Variants in STAG1 observed in about 807,000 individuals in gnomAD.
STAG1 encodes the protein cohesin subunit SA-1.
Under a neutral mutation model 170.9 loss-of-function variants are expected in STAG1, and 26 were observed. That is an observed-to-expected ratio of 0.15 (90% CI 0.11 to 0.21). The LOEUF (loss-of-function observed/expected upper bound fraction) is 0.21. STAG1 is among the 10% of genes least tolerant of loss of function. The pLI, the probability that STAG1 is intolerant of heterozygous loss-of-function variation, is 1.00. For missense variants in STAG1, 964 were observed against 1,509.5 expected (o/e 0.64, Z 5.99); for synonymous variants, 514 against 497.7 (o/e 1.03, Z -0.44).
intron 4 of STAG1, among the ~76,000 whole-genome samples, chr3:136,572,276 C>A (rs1027866041): frequency 1.3e-5 from 2 of 151,630 alleles, no homozygotes; most frequent in African/African-American, 4.8e-5. Flanking sequence ...TACGAAGGAA[C>A]TGAAAAACAA....
chr3:136,425,720 G>GTA (rs922773009), intron 16 of STAG1, among the ~76,000 whole-genome samples: 4 of 148,900 alleles, frequency 2.7e-5, no homozygotes, highest in Non-Finnish European at 4.4e-5. Context: ...TTATATATAT[G>GTA]TATATATATA....
intron 1 of STAG1, among the ~76,000 whole-genome samples, chr3:136,706,134 A>G (rs1244438074): frequency 1.3e-5 from 2 of 152,200 alleles, no homozygotes; most frequent in Non-Finnish European, 2.9e-5. Flanking sequence ...ATGTGATAAG[A>G]TGCATTTATG....
chr3:136,381,618 T>C (rs900103952), intron 22 of STAG1, among the ~76,000 whole-genome samples: 5 of 151,866 alleles, frequency 3.3e-5, no homozygotes, highest in Non-Finnish European at 7.4e-5. Flanking sequence ...TTATAAAGAG[T>C]CAGTGAAAAA....
intron 6 of STAG1, among the ~76,000 whole-genome samples, chr3:136,540,191 T>C (rs1417922737): frequency 6.6e-6 from 1 of 152,042 alleles, no homozygotes; most frequent in Non-Finnish European, 1.5e-5. Flanking sequence ...CTCGGGTATA[T>C]ACACAGTAAC....
At chr3:136,640,690 T>C (rs1429543855) in intron 1 of STAG1, among the ~76,000 whole-genome samples, 1 of 148,030 alleles carries the variant, frequency 6.8e-6, no homozygotes, top group Non-Finnish European at 1.5e-5. Context: ...TTTTTTTTTT[T>C]TTAGACAGAG....
intron 3 of STAG1, among the ~76,000 whole-genome samples, chr3:136,618,629 G>A (rs1939701631): frequency 6.6e-6 from 1 of 152,164 alleles, no homozygotes; most frequent in Non-Finnish European, 1.5e-5. Context: ...GTTAAGGTTA[G>A]AGAGGTGCTG....
At chr3:136,374,269 C>G (rs1282886998) in intron 23 of STAG1, among the ~76,000 whole-genome samples, 1 of 151,840 alleles carries the variant, frequency 6.6e-6, no homozygotes, top group African/African-American at 2.4e-5. Context: ...GGATACAGCA[C>G]ACTGTATTTA....
At chr3:136,578,916 G>A (rs746202671) in intron 4 of STAG1, among the ~76,000 whole-genome samples, 7 of 152,198 alleles carry the variant, frequency 4.6e-5, no homozygotes, top group Non-Finnish European at 8.8e-5. Flanking sequence ...GGTCATTAAG[G>A]TTAAATATGG....
chr3:136,705,421 AC>A (rs1943202587), intron 1 of STAG1, among the ~76,000 whole-genome samples: 1 of 138,040 alleles, frequency 7.2e-6, no homozygotes, highest in African/African-American at 2.8e-5. Flanking sequence ...ACACACACAC[AC>A]ACAACGAAGT....
At chr3:136,627,587 G>T (rs553765899) in intron 2 of STAG1, among the ~76,000 whole-genome samples, 10 of 152,252 alleles carry the variant, frequency 6.6e-5, no homozygotes, top group African/African-American at 2.4e-4. Flanking sequence ...TACAAACAGG[G>T]CTGAAATGAC....
At chr3:136,553,573 A>T (rs2107741608) in intron 5 of STAG1, among the ~76,000 whole-genome samples, 1 of 152,304 alleles carries the variant, frequency 6.6e-6, no homozygotes, top group South Asian at 2.1e-4. Flanking sequence ...CAAGAGATCA[A>T]GACCATCCTG....
intron 3 of STAG1, among the ~76,000 whole-genome samples, chr3:136,606,617 T>C (rs1322349715): frequency 9.2e-5 from 14 of 152,216 alleles, no homozygotes; most frequent in Non-Finnish European, 4.4e-5. Context: ...CTCCTGGTTT[T>C]TGATGACCAT....
At chr3:136,469,737 C>G (rs2089572586) in intron 12 of STAG1, among the ~76,000 whole-genome samples, 2 of 152,186 alleles carry the variant, frequency 1.3e-5, no homozygotes, top group South Asian at 4.1e-4. Flanking sequence ...TCAAACTATA[C>G]TACAAGGCTA....
At chr3:136,429,612 C>T (rs961624710) in intron 16 of STAG1, among the ~76,000 whole-genome samples, 2 of 152,060 alleles carry the variant, frequency 1.3e-5, no homozygotes, top group African/African-American at 4.8e-5. Context: ...TACGTGGGCA[C>T]TGAAATTAAA....
chr3:136,343,720 G>T, intron 30 of STAG1, 112 bp downstream of exon 30: 1 of 753,452 alleles, frequency 1.3e-6, no homozygotes, highest in Non-Finnish European at 2.0e-6. Flanking sequence ...TCCGTTTGTG[G>T]CTTATCATGA....
intron 16 of STAG1, among the ~76,000 whole-genome samples, chr3:136,423,732 A>C (rs1257272796): frequency 2.0e-5 from 3 of 152,234 alleles, no homozygotes; most frequent in Non-Finnish European, 2.9e-5. Flanking sequence ...TTGCCATCAT[A>C]ATGTCAAATG....
intron 25 of STAG1, among the ~76,000 whole-genome samples, chr3:136,366,282 G>C (rs1304587736): frequency 6.6e-6 from 1 of 152,038 alleles, no homozygotes; most frequent in Admixed American, 6.6e-5. Context: ...ATGATAATGT[G>C]AAAGTCTTAG....
chr3:136,467,205 C>A (rs56083120), intron 12 of STAG1, among the ~76,000 whole-genome samples: 25,328 of 152,084 alleles, frequency 0.17, 3,463 homozygotes, highest in African/African-American at 0.38. Context: ...TTAAAAGACA[C>A]AGACTGGCAA....
chr3:136,635,814 T>C (rs979960325), intron 1 of STAG1, among the ~76,000 whole-genome samples: 2 of 152,250 alleles, frequency 1.3e-5, no homozygotes, highest in African/African-American at 4.8e-5. Context: ...GTCAATCACT[T>C]TGCTGTAGAC....
Sources: allele counts gnomAD v4.1 joint callset (sites outside exome capture counted in the v4.1 genomes callset), GRCh38; gene constraint gnomAD v4.1.1; transcripts MANE v1.5; gene names NCBI Gene and HGNC (gene_info 2026-07-23, HGNC 2026-07-21).